LRRIQ1: variants seen among roughly 807,000 people sequenced by gnomAD.
The protein encoded by LRRIQ1 is leucine-rich repeat- and IQ domain-containing protein 1.
A neutral mutation model predicts 211.9 loss-of-function variants in LRRIQ1; 210 were observed. The observed-to-expected ratio is 0.99, with a 90% CI of 0.89 to 1.11. LRRIQ1 has a LOEUF of 1.11. Ranked by LOEUF, LRRIQ1 falls within the 50% of genes most tolerant of loss-of-function variation. The probability of loss-of-function intolerance (pLI) is 0.00; values close to 1 mark genes in which losing one functional copy is unlikely to be tolerated. For synonymous variants in LRRIQ1, 699 were observed against 650.1 expected, an observed-to-expected ratio of 1.08 and a Z score of -1.14; for missense variants, 2,136 against 1,939.5, an observed-to-expected ratio of 1.10 and a Z score of -1.90.
chr12:85,224,571 C>A (rs1894557633), intron 24 of LRRIQ1, among the ~76,000 whole-genome samples: 2 of 152,096 alleles, frequency 1.3e-5, no homozygotes, highest in Non-Finnish European at 1.5e-5. Context: ...AGGATGAGTT[C>A]ATGTCCTTTG....
At position 85,137,968 on chromosome 12, in the gene LRRIQ1, A is replaced by G; in HGVS notation, c.4328A>G (p.Glu1443Gly). 1 of 1,399,400 alleles carries G rather than the reference A, an allele frequency of 7.1e-7. No individual in the cohort carries two copies. Among genetic ancestry groups the G allele is most frequent in the African/African-American group, 1.4e-5 (1 of 68,994 alleles). 86.7% of individuals were successfully genotyped at this position (1,399,400 alleles called of 1,614,324 possible). The change falls in exon 19 of 27, where the codon GAA (glutamate) becomes GGA (glycine). Residue 1443 changes from glutamate to glycine, a missense_variant and splice_region_variant. Physicochemically the swap from Glu to Gly is moderately conservative, Grantham distance 98 (BLOSUM62 -2). Transcript: ENST00000393217. ...GATTTAGAGGATTTTATATTTGATG[A>G]AGTAAGTACGAACTATAGTATATAA... ...EIDLEDFIFD[E>G]AALEEEWLAL... is the part of the protein sequence containing the mutation.
chr12:85,239,066 T>C lies in LRRIQ1; in HGVS notation c.5017-5723T>C, dbSNP rs544468161. 3.3e-5 allele frequency among the ~76,000 whole-genome samples: 5 copies of C among 152,222 alleles called. No homozygotes were observed. The South Asian group carries it at 1.0e-3, about 32-fold the overall frequency. ...TGTTAACATTGAAATGTGCAAGCCC[T>C]CTACACTCATAACTGCAAAACACTG... On this transcript the variant is annotated intron_variant, in intron 26 of 26. Coordinates refer to ENST00000393217, the MANE Select transcript of LRRIQ1 (RefSeq NM_001079910.2).
chr12:85,252,969 A>ATATAAG (rs1895990984), intron 1 of LRRIQ1, among the ~76,000 whole-genome samples: 1 of 151,178 alleles, frequency 6.6e-6, no homozygotes, highest in African/African-American at 2.4e-5. Flanking sequence ...ATTACACTTA[A>ATATAAG]TATAAGTAAA....
intron 24 of LRRIQ1, among the ~76,000 whole-genome samples, chr12:85,167,052 A>G (rs1383767509): frequency 6.6e-6 from 1 of 152,192 alleles, no homozygotes; most frequent in East Asian, 1.9e-4. Flanking sequence ...CAATATGCTT[A>G]TATAATATTT....
downstream of LRRIQ1, among the ~76,000 whole-genome samples, chr12:85,269,406 T>C (rs1896487931): frequency 6.6e-6 from 1 of 152,018 alleles, no homozygotes; most frequent in African/African-American, 2.4e-5. Flanking sequence ...TATGAAGCGA[T>C]AACAATCAAG....
chr12:85,224,152 G>GTT (rs199642530), intron 24 of LRRIQ1, among the ~76,000 whole-genome samples: 29,698 of 136,162 alleles, frequency 0.22, 7,224 homozygotes, highest in African/African-American at 0.63. Flanking sequence ...ATGAAAAAAA[G>GTT]CTCATCACTG....
intron 24 of LRRIQ1, among the ~76,000 whole-genome samples, chr12:85,228,450 G>C (rs116651182): frequency 0.013 from 1,911 of 152,266 alleles, 44 homozygotes; most frequent in African/African-American, 0.044. Context: ...AAGGGCTGAA[G>C]TCATTTTAGA....
rs1319748232 is a variant in LRRIQ1, at chr12:85,056,689, A to C, written c.1896A>C (p.Glu632Asp). 1 of 1,606,676 alleles carries C rather than the reference A, an allele frequency of 6.2e-7. No individual in the cohort carries two copies. Among genetic ancestry groups the C allele is most frequent in the South Asian group, 1.1e-5 (1 of 89,114 alleles). Residue 632 changes from glutamate (E) to aspartate (D), a missense_variant, in exon 8 of 27, where the codon GAA (glutamate) becomes GAC (aspartate). By Grantham distance (45) the Glu-to-Asp change is conservative. Coordinates refer to ENST00000393217, the MANE Select transcript of LRRIQ1 (RefSeq NM_001079910.2). ...TAAGAGAAAACGTAATATTACAAGA[A>C]AAAGAAATTTATTCAAAATCCAAAG... The part of the protein sequence containing the change: ...KDVRENVILQ[E>D]KEIYSKSKEI...
At chr12:85,093,713 T>G (rs949061249) in intron 11 of LRRIQ1, among the ~76,000 whole-genome samples, 1 of 152,318 alleles carries the variant, frequency 6.6e-6, no homozygotes, top group Middle Eastern at 3.4e-3. Flanking sequence ...TGTGTTCAAG[T>G]CGGCAGATAA....
rs1441128391 is a variant in LRRIQ1, at chr12:85,250,922, A to AGAT, written c.121+6013_121+6014insGAT. On this transcript the variant is annotated intron_variant, in intron 1 of 1. Transcript: ENST00000602731. Reference sequence around the variant, plus strand: ...ATATATTATATATAATATATTTTATATATTATATATTATATATAATATATT... The same window carrying AGAT: ...ATATATTATATATAATATATTTTATAGATTATTATATATTATATATAATATATT... 5.1e-5 allele frequency among the ~76,000 whole-genome samples: 4 copies of AGAT among 79,162 alleles called. No homozygotes were observed. In the African/African-American group the frequency reaches 5.4e-4, roughly 11 times the overall value. 51.9% of individuals were successfully genotyped at this position (79,162 alleles called of 152,430 possible). A position where few individuals can be genotyped will look rare whatever the true frequency, so the allele number is the denominator to read the frequency against.
chr12:85,215,305 T>C (rs1261415639), intron 24 of LRRIQ1, among the ~76,000 whole-genome samples: 2 of 152,174 alleles, frequency 1.3e-5, no homozygotes, highest in African/African-American at 4.8e-5. Flanking sequence ...CACTCATAGA[T>C]ATTTGCATCA....
intron 7 of LRRIQ1, among the ~76,000 whole-genome samples, chr12:85,054,963 C>G (rs1406244254): frequency 6.6e-6 from 1 of 151,990 alleles, no homozygotes; most frequent in Non-Finnish European, 1.5e-5. Flanking sequence ...TCACCTAACT[C>G]TAAATATTTC....
chr12:85,047,443 AAAG>A lies in LRRIQ1; in HGVS notation c.657_659del (p.Lys220del), dbSNP rs753731262. Reference sequence around the variant, plus strand: ...GCTGGATGAAACAATTTAAAGTTGAAAAGAAGAAATTAGAGAACATTCAGAAGG... The same window carrying A: ...GCTGGATGAAACAATTTAAAGTTGAAAAGAAATTAGAGAACATTCAGAAGG... On this transcript the variant is annotated inframe_deletion, in exon 6 of 27. Transcript: ENST00000393217. 1 of 1,612,540 alleles carries A rather than the reference AAAG, an allele frequency of 6.2e-7. No individual in the cohort carries two copies. The highest frequency in any genetic ancestry group is 8.5e-7 in the Non-Finnish European group (1 of 1,179,450).
chr12:85,069,191 T>C (rs1471010086), intron 10 of LRRIQ1, among the ~76,000 whole-genome samples: 1 of 150,056 alleles, frequency 6.7e-6, no homozygotes, highest in Non-Finnish European at 1.5e-5. Flanking sequence ...ACATGCGGTG[T>C]TTGGTTTTTC....
intron 11 of LRRIQ1, among the ~76,000 whole-genome samples, chr12:85,096,906 T>C (rs190255306): frequency 2.1e-3 from 322 of 152,310 alleles, no homozygotes; most frequent in Non-Finnish European, 3.5e-3. Flanking sequence ...TTTATCATTA[T>C]GCAATGCCCT....
intron 24 of LRRIQ1, among the ~76,000 whole-genome samples, chr12:85,172,095 C>G (rs1891447842): frequency 6.6e-6 from 1 of 152,142 alleles, no homozygotes; most frequent in Non-Finnish European, 1.5e-5. Flanking sequence ...TTGCTGCTTT[C>G]CTGGACAGCT....
chr12:85,179,063 A>G, intron 24 of LRRIQ1, among the ~76,000 whole-genome samples: 1 of 151,950 alleles, frequency 6.6e-6, no homozygotes, highest in Middle Eastern at 3.2e-3. Flanking sequence ...ACCTATGGTT[A>G]CAGGCAATAA....
intron 14 of LRRIQ1, 28 bp from the exon 15 acceptor site, chr12:85,106,494 C>G: frequency 6.9e-7 from 1 of 1,444,718 alleles, no homozygotes; most frequent in African/African-American, 1.4e-5. Context: ...TGTGATGATA[C>G]CTTTCAAAAT....
chr12:85,152,922 T>A, intron 20 of LRRIQ1, 102 bp from the exon 21 acceptor site: 1 of 631,476 alleles, frequency 1.6e-6, no homozygotes, highest in Non-Finnish European at 2.5e-6. Flanking sequence ...TATAATGAGT[T>A]TCCCTTAGGA....
Sources: gnomAD v4.1 joint callset for allele counts (sites outside exome capture counted in the v4.1 genomes callset) on GRCh38, gnomAD v4.1.1 for gene constraint, MANE v1.5 for transcripts, NCBI Gene and HGNC (gene_info 2026-07-23, HGNC 2026-07-21) for gene names.